EYA1: variants seen among roughly 807,000 people sequenced by gnomAD.
EYA1 encodes the protein EYA transcriptional coactivator and phosphatase 1, also known as protein phosphatase EYA1.
Under a neutral mutation model 82.0 loss-of-function variants are expected in EYA1, and 16 were observed. That is an observed-to-expected ratio of 0.20 (90% confidence interval 0.13 to 0.30). EYA1 has a LOEUF of 0.30. Among genes scored for constraint, EYA1 ranks in the 10% least tolerant of loss-of-function variants. EYA1 has a pLI of 1.00. For missense variants in EYA1, 633 were observed against 730.7 expected, an observed-to-expected ratio of 0.87 and a Z score of 1.54; for synonymous variants, 261 against 264.4, an observed-to-expected ratio of 0.99 and a Z score of 0.12.
At chr8:71,406,139 G>A (rs1481990152) in intron 2 of EYA1, among the ~76,000 whole-genome samples, 2 of 152,140 alleles carry the variant, frequency 1.3e-5, no homozygotes, top group Non-Finnish European at 2.9e-5. Flanking sequence ...CAATAAAGCT[G>A]TAAAACAACA....
At chr8:71,251,686 G>C (rs563924311) in intron 11 of EYA1, among the ~76,000 whole-genome samples, 1 of 152,244 alleles carries the variant, frequency 6.6e-6, no homozygotes, top group African/African-American at 2.4e-5. Flanking sequence ...TTCATCCTCT[G>C]TCAAGTGGTC....
intron 2 of EYA1, among the ~76,000 whole-genome samples, chr8:71,481,537 C>G (rs1011835875): frequency 2.0e-5 from 3 of 152,098 alleles, no homozygotes; most frequent in Non-Finnish European, 4.4e-5. Context: ...CTACTGCACG[C>G]CGGGACTATG....
At chr8:71,264,157 G>A (rs1292924439) in intron 11 of EYA1, among the ~76,000 whole-genome samples, 1 of 152,210 alleles carries the variant, frequency 6.6e-6, no homozygotes, top group African/African-American at 2.4e-5. Flanking sequence ...CTGCAACCCA[G>A]TGAGGACACT....
chr8:71,317,692 A>G lies in EYA1; in HGVS notation c.419-3T>C, dbSNP rs544566053. 6.2e-7 allele frequency: 1 copy of G among 1,613,980 alleles called. No individual in the cohort carries two copies. The highest frequency in any genetic ancestry group is 1.7e-5 in the Admixed American group (1 of 60,030). ...CTTGATGCCTGCCCACAATGCACCT[A>G]AATCAGTTAGTGATAGCTTATCTAT... is the stretch of plus-strand genomic sequence containing the variant. On this transcript the variant is annotated splice_region_variant and splice_polypyrimidine_tract_variant and intron_variant, in intron 6 of 17. Transcript: ENST00000340726.
chr8:71,492,997 A>C (rs766958725), intron 2 of EYA1, among the ~76,000 whole-genome samples: 7 of 152,140 alleles, frequency 4.6e-5, no homozygotes, highest in Non-Finnish European at 1.0e-4. Context: ...TCCCACTTAA[A>C]AGTGAGAACC....
intron 11 of EYA1, among the ~76,000 whole-genome samples, chr8:71,249,662 A>T (rs1813511168): frequency 6.6e-6 from 1 of 152,148 alleles, no homozygotes. Context: ...CTTTATTCTT[A>T]TCCTTCCATC....
chr8:71,374,081 A>AT (rs1412962546), intron 2 of EYA1, among the ~76,000 whole-genome samples: 2 of 152,092 alleles, frequency 1.3e-5, no homozygotes, highest in Non-Finnish European at 2.9e-5. Context: ...CTTGGTGATG[A>AT]TTTTTTTGGA....
At chr8:71,248,226 C>A (rs1813338241) in intron 11 of EYA1, among the ~76,000 whole-genome samples, 1 of 152,148 alleles carries the variant, frequency 6.6e-6, no homozygotes, top group Non-Finnish European at 1.5e-5. Context: ...CCTGCCACTC[C>A]AAGATATTGT....
intron 11 of EYA1, among the ~76,000 whole-genome samples, chr8:71,252,739 T>C (rs1813899350): frequency 6.6e-6 from 1 of 152,160 alleles, no homozygotes; most frequent in Non-Finnish European, 1.5e-5. Flanking sequence ...TCAGATGGGA[T>C]CTGAGCAATG....
chr8:71,209,980 G>T (rs1307340487), intron 17 of EYA1, among the ~76,000 whole-genome samples: 1 of 152,104 alleles, frequency 6.6e-6, no homozygotes, highest in Non-Finnish European at 1.5e-5. Flanking sequence ...GCTACCATTT[G>T]TTGTACACTT....
chr8:71,218,937 T>A (rs1166013185), intron 12 of EYA1, among the ~76,000 whole-genome samples: 1 of 151,872 alleles, frequency 6.6e-6, no homozygotes, highest in Non-Finnish European at 1.5e-5. Context: ...GGAAAATGTA[T>A]GTTCAAAAGA....
rs371974566 is a variant in EYA1, at chr8:71,446,220, T to A, written c.33+89524A>T. ...ACCCAAATCTCATCTTGAATTATAA[T>A]CTCCATAATCCCCAGGTGTTGAGGG... On this transcript the variant is annotated intron_variant, in intron 2 of 18. Transcript: ENST00000643681. Among the ~76,000 whole-genome samples the A allele has an allele frequency of 5.9e-5, 9 of 152,252 alleles. No homozygotes were observed. The South Asian group carries it at 1.9e-3, about 32-fold the overall frequency.
chr8:71,211,253 T>C lies in EYA1; in HGVS notation c.1601A>G (p.Lys534Arg). The change falls in exon 17 of 18, where the codon AAA (lysine) becomes AGA (arginine). Residue 534 changes from lysine to arginine, a missense_variant. Physicochemically the swap from Lys to Arg is conservative, Grantham distance 26. Coordinates refer to ENST00000340726, the MANE Select transcript of EYA1 (RefSeq NM_000503.6). ...ENIYSATKIG[K>R]ESCFERIIQR... ...AATTATTCTCTCAAAACAGCTTTCT[T>C]TTCCTAGTGAACAAAAATAAATGAT... is the stretch of plus-strand genomic sequence containing the variant. The C allele has an allele frequency of 6.2e-7, 1 of 1,600,268 alleles. No homozygotes were observed. The highest frequency in any genetic ancestry group is 8.6e-7 in the Non-Finnish European group (1 of 1,167,726).
chr8:71,223,399 T>TA (rs1441590517), intron 12 of EYA1, among the ~76,000 whole-genome samples: 3 of 152,200 alleles, frequency 2.0e-5, no homozygotes, highest in Admixed American at 6.5e-5. Context: ...CTTCCCCTTA[T>TA]ATGACACCAC....
intron 11 of EYA1, among the ~76,000 whole-genome samples, chr8:71,261,423 A>G (rs932693017): frequency 6.6e-6 from 1 of 152,198 alleles, no homozygotes; most frequent in Non-Finnish European, 1.5e-5. Flanking sequence ...GAGACTGTAT[A>G]CACATAAAAA....
intron 2 of EYA1, among the ~76,000 whole-genome samples, chr8:71,461,635 T>C (rs1170592681): frequency 6.6e-5 from 10 of 152,198 alleles, no homozygotes; most frequent in Non-Finnish European, 4.4e-5. Context: ...CTGTTTGTGT[T>C]ACAACTCTTT....
intron 2 of EYA1, 35 bp downstream of exon 2, chr8:71,356,427 T>A (rs1281653697): frequency 6.5e-7 from 1 of 1,549,136 alleles, no homozygotes; most frequent in Non-Finnish European, 8.8e-7. Flanking sequence ...AGAAAGGTAA[T>A]CTCCAAAAAT....
At chr8:71,463,755 C>T (rs1478859179) in intron 2 of EYA1, among the ~76,000 whole-genome samples, 6 of 151,662 alleles carry the variant, frequency 4.0e-5, no homozygotes, top group Non-Finnish European at 7.4e-5. Flanking sequence ...CCATTCCTAC[C>T]GGTCTGCCAC....
At chr8:71,275,738 A>C (rs1362400650) in intron 9 of EYA1, among the ~76,000 whole-genome samples, 1 of 152,234 alleles carries the variant, frequency 6.6e-6, no homozygotes, top group Non-Finnish European at 1.5e-5. Flanking sequence ...TTTGGTCTAC[A>C]TGGCAATAAT....
Sources: gnomAD v4.1 joint callset for allele counts (sites outside exome capture counted in the v4.1 genomes callset) on GRCh38, gnomAD v4.1.1 for gene constraint, MANE v1.5 for transcripts, NCBI Gene and HGNC (gene_info 2026-07-23, HGNC 2026-07-21) for gene names.